PTK2: variants seen among roughly 807,000 people sequenced by gnomAD.
PTK2 encodes the protein protein tyrosine kinase 2.
Under a neutral mutation model 150.1 loss-of-function variants are expected in PTK2, and 45 were observed. That is an observed-to-expected ratio of 0.30 (90% CI 0.24 to 0.38). PTK2 has a LOEUF of 0.38. PTK2 is among the 10% of genes least tolerant of loss of function. The pLI, the probability that PTK2 is intolerant of heterozygous loss-of-function variation, is 1.00. For synonymous variants in PTK2, 432 were observed against 449.2 expected, an observed-to-expected ratio of 0.96 and a Z score of 0.48; for missense variants, 919 against 1,307.3, an observed-to-expected ratio of 0.70 and a Z score of 4.58.
At chr8:140,720,152 G>A (rs921748689) in intron 22 of PTK2, among the ~76,000 whole-genome samples, 4 of 151,934 alleles carry the variant, frequency 2.6e-5, no homozygotes, top group Admixed American at 1.3e-4. Context: ...GAAATGTAAC[G>A]AGCATTACAT....
At chr8:140,770,146 C>T (rs553825825) in intron 14 of PTK2, among the ~76,000 whole-genome samples, 2 of 152,290 alleles carry the variant, frequency 1.3e-5, no homozygotes, top group East Asian at 3.9e-4. Context: ...CTGCTGACAA[C>T]GAAGGTTCCC....
chr8:140,792,753 GTTC>G (rs1164514172), intron 13 of PTK2, among the ~76,000 whole-genome samples: 4 of 152,314 alleles, frequency 2.6e-5, no homozygotes, highest in South Asian at 4.1e-4. Context: ...TAGGCTCACT[GTTC>G]TTCTTCAGTG....
At chr8:140,861,231 C>A (rs2100135890) in intron 5 of PTK2, among the ~76,000 whole-genome samples, 1 of 152,082 alleles carries the variant, frequency 6.6e-6, no homozygotes, top group African/African-American at 2.4e-5. Flanking sequence ...CACCTGTAGT[C>A]CCAACTACTC....
chr8:140,675,031 A>C (rs1443617326), intron 28 of PTK2, among the ~76,000 whole-genome samples: 3 of 150,542 alleles, frequency 2.0e-5, no homozygotes, highest in Non-Finnish European at 3.0e-5. Flanking sequence ...ACACCACTAC[A>C]CTCCAGCCTG....
chr8:140,911,551 C>T (rs919946375), intron 2 of PTK2, among the ~76,000 whole-genome samples: 6 of 152,086 alleles, frequency 3.9e-5, no homozygotes, highest in African/African-American at 1.4e-4. Flanking sequence ...ATAAAATACA[C>T]AAATCCTAAA....
intron 7 of PTK2, among the ~76,000 whole-genome samples, chr8:140,837,150 T>C (rs7831543): frequency 0.28 from 42,875 of 152,116 alleles, 6,412 homozygotes; most frequent in Admixed American, 0.39. Context: ...TTACAAATGA[T>C]GTAAATAAAA....
intron 7 of PTK2, among the ~76,000 whole-genome samples, chr8:140,839,578 AT>A (rs1389772551): frequency 6.6e-6 from 1 of 152,232 alleles, no homozygotes; most frequent in Non-Finnish European, 1.5e-5. Flanking sequence ...AAATGAAAAA[AT>A]ATAAGTGGTA....
chr8:140,917,056 C>T (rs759917250), intron 2 of PTK2, among the ~76,000 whole-genome samples: 8 of 152,134 alleles, frequency 5.3e-5, no homozygotes, highest in Non-Finnish European at 1.0e-4. Flanking sequence ...AGAAGCACAG[C>T]TCTCTTTTAA....
chr8:140,801,028 T>C (rs975540905), intron 11 of PTK2, among the ~76,000 whole-genome samples: 4 of 152,234 alleles, frequency 2.6e-5, no homozygotes, highest in African/African-American at 9.6e-5. Flanking sequence ...ACATATAGCA[T>C]GTTCGCCCAA....
At chr8:140,970,743 T>G (rs919623988) in intron 1 of PTK2, among the ~76,000 whole-genome samples, 2 of 152,198 alleles carry the variant, frequency 1.3e-5, no homozygotes, top group African/African-American at 4.8e-5. Flanking sequence ...AATCTCAATC[T>G]GATTGCAGAT....
intron 14 of PTK2, among the ~76,000 whole-genome samples, chr8:140,768,845 G>A (rs1425598034): frequency 6.6e-6 from 1 of 152,100 alleles, no homozygotes; most frequent in Non-Finnish European, 1.5e-5. Flanking sequence ...TGCTTAGCTC[G>A]TTATACTCGT....
exon 22 of PTK2, chr8:140,735,405 C>T: frequency 6.2e-7 from 1 of 1,614,174 alleles, no homozygotes; most frequent in Non-Finnish European, 8.5e-7. Context: ...TTGTTCTTCA[C>T]TCCTTGAAAA....
chr8:140,907,642 A>G (rs1479406979), intron 2 of PTK2, among the ~76,000 whole-genome samples: 2 of 152,208 alleles, frequency 1.3e-5, no homozygotes, highest in African/African-American at 4.8e-5. Context: ...TCCCAACAGC[A>G]TATGCCCACT....
chr8:140,672,003 G>C, intron 29 of PTK2: 1 of 326,618 alleles, frequency 3.1e-6, no homozygotes, highest in Non-Finnish European at 6.0e-6. Flanking sequence ...ATTTCAATTT[G>C]CTTCATACCC....
At chr8:140,944,459 T>TA (rs1346727705) in intron 1 of PTK2, among the ~76,000 whole-genome samples, 2 of 152,348 alleles carry the variant, frequency 1.3e-5, no homozygotes, top group African/African-American at 4.8e-5. Flanking sequence ...GAGAACTTGA[T>TA]ACTGCCACGA....
Position 140,793,335 on chromosome 8 carries a change from C to CA in PTK2, c.1124+18dup, listed in dbSNP as rs771123576. 478 of 1,597,862 alleles carry CA rather than the reference C, an allele frequency of 3.0e-4. 2 individuals carry two copies. The highest frequency in any genetic ancestry group is 8.1e-5 in the Non-Finnish European group (95 of 1,175,156). On this transcript the variant is annotated intron_variant, in intron 13 of 31. Coordinates refer to ENST00000522684, the Ensembl canonical transcript of PTK2. Reference sequence around the variant, plus strand: ...TTTCCAACAAAACAAAATAACAGTACAAAAAAAGCAGTACTTACTTTGGTA... The same window carrying CA: ...TTTCCAACAAAACAAAATAACAGTACAAAAAAAAGCAGTACTTACTTTGGTA...
intron 2 of PTK2, among the ~76,000 whole-genome samples, chr8:140,914,727 T>C (rs2100164497): frequency 6.6e-6 from 1 of 152,094 alleles, no homozygotes; most frequent in African/African-American, 2.4e-5. Flanking sequence ...ATTTAATTCA[T>C]TTATCCGTTT....
At chr8:140,738,274 T>C (rs1053325787) in intron 21 of PTK2, among the ~76,000 whole-genome samples, 1 of 152,136 alleles carries the variant, frequency 6.6e-6, no homozygotes, top group Non-Finnish European at 1.5e-5. Flanking sequence ...AAGAAGAAGG[T>C]ATCAGGATAA....
intron 4 of PTK2, among the ~76,000 whole-genome samples, chr8:140,871,069 T>C (rs2100142208): frequency 6.6e-6 from 1 of 152,206 alleles, no homozygotes; most frequent in Non-Finnish European, 1.5e-5. Flanking sequence ...ATGTTAATCC[T>C]GATTAAAATT....
Sources: allele counts gnomAD v4.1 joint callset (sites outside exome capture counted in the v4.1 genomes callset), GRCh38; gene constraint gnomAD v4.1.1; transcripts MANE v1.5; gene names NCBI Gene and HGNC (gene_info 2026-07-23, HGNC 2026-07-21).